Variants in TUNAR observed in about 807,000 individuals in gnomAD.
TUNAR encodes transmembrane neural differentiation associated intracellular calcium regulator.
chr14:95,883,401 C>A (rs74085731), intron 2 of TUNAR, among the ~76,000 whole-genome samples: 12 of 152,158 alleles, frequency 7.9e-5, no homozygotes, highest in Admixed American at 5.2e-4. Context: ...ATCCACCCCC[C>A]CAACACACAC....
intron 2 of TUNAR, among the ~76,000 whole-genome samples, chr14:95,889,672 T>C (rs907301858): frequency 6.6e-6 from 1 of 152,148 alleles, no homozygotes; most frequent in Non-Finnish European, 1.5e-5. Context: ...AGGAGGAACT[T>C]AAGCAGAGAC....
chr14:95,913,521 G>T (rs981121701), intron 2 of TUNAR, among the ~76,000 whole-genome samples: 1 of 152,250 alleles, frequency 6.6e-6, no homozygotes, highest in African/African-American at 2.4e-5. Flanking sequence ...TTTTCATTCC[G>T]CAATTTACTA....
At chr14:95,918,404 A>G (rs1003492889) in intron 2 of TUNAR, among the ~76,000 whole-genome samples, 1 of 152,158 alleles carries the variant, frequency 6.6e-6, no homozygotes, top group Non-Finnish European at 1.5e-5. Flanking sequence ...CTCCTCCATC[A>G]CTGTTCATCC....
intron 2 of TUNAR, among the ~76,000 whole-genome samples, chr14:95,882,081 GCTTGA>G (rs1888989598): frequency 6.6e-6 from 1 of 152,202 alleles, no homozygotes; most frequent in Non-Finnish European, 1.5e-5. Flanking sequence ...GAGTTAGAAA[GCTTGA>G]CTATGCTTCA....
intron 2 of TUNAR, among the ~76,000 whole-genome samples, chr14:95,899,454 C>A (rs1435968755): frequency 6.6e-6 from 1 of 152,258 alleles, no homozygotes; most frequent in Non-Finnish European, 1.5e-5. Flanking sequence ...AGAAGTAAAT[C>A]TTCACCTGCA....
At chr14:95,906,044 C>G (rs931162715) in intron 2 of TUNAR, among the ~76,000 whole-genome samples, 6 of 152,188 alleles carry the variant, frequency 3.9e-5, no homozygotes, top group Admixed American at 3.9e-4. Flanking sequence ...CCTCCACCCC[C>G]ACCTGTTTTT....
At chr14:95,920,823 C>T (rs1021477259) in intron 2 of TUNAR, among the ~76,000 whole-genome samples, 3 of 151,982 alleles carry the variant, frequency 2.0e-5, no homozygotes, top group African/African-American at 4.8e-5. Flanking sequence ...AGATAGCATT[C>T]GAATGAGAGA....
At chr14:95,877,837 G>T (rs1454613134) in intron 2 of TUNAR, among the ~76,000 whole-genome samples, 2 of 152,208 alleles carry the variant, frequency 1.3e-5, no homozygotes, top group Non-Finnish European at 2.9e-5. Context: ...CCATCACGCT[G>T]CTGCCAACCC....
At chr14:95,906,255 A>AT (rs1320372817) in intron 2 of TUNAR, among the ~76,000 whole-genome samples, 2 of 142,860 alleles carry the variant, frequency 1.4e-5, no homozygotes, top group Non-Finnish European at 2.9e-5. Flanking sequence ...TTTAGGGGAC[A>AT]TAGCTGGGAA....
intron 2 of TUNAR, among the ~76,000 whole-genome samples, chr14:95,897,758 G>A (rs960486161): frequency 6.6e-6 from 1 of 152,184 alleles, no homozygotes; most frequent in East Asian, 1.9e-4. Context: ...CCTACACAAT[G>A]TCATTTGCTT....
chr14:95,918,193 G>A (rs942225044), intron 2 of TUNAR, among the ~76,000 whole-genome samples: 2 of 152,184 alleles, frequency 1.3e-5, no homozygotes, highest in African/African-American at 2.4e-5. Context: ...CAGGCACACA[G>A]TGTGAAATAA....
At chr14:95,884,772 C>T (rs1392309235) in intron 2 of TUNAR, among the ~76,000 whole-genome samples, 1 of 152,224 alleles carries the variant, frequency 6.6e-6, no homozygotes, top group Non-Finnish European at 1.5e-5. Flanking sequence ...CCTGCTACGT[C>T]CAAACACTGC....
At chr14:95,884,375 G>A (rs115649731) in intron 2 of TUNAR, among the ~76,000 whole-genome samples, 3,086 of 152,218 alleles carry the variant, frequency 0.02, 57 homozygotes, top group Middle Eastern at 0.054. Flanking sequence ...TTCACTCCAA[G>A]GAGCCACAGG....
At chr14:95,884,894 A>G (rs1889050541) in intron 2 of TUNAR, among the ~76,000 whole-genome samples, 1 of 149,848 alleles carries the variant, frequency 6.7e-6, no homozygotes, top group Non-Finnish European at 1.5e-5. Flanking sequence ...TTTCCCTCCT[A>G]CTGAGAAATA....
chr14:95,879,656 A>C (rs1888946116), intron 2 of TUNAR, among the ~76,000 whole-genome samples: 1 of 151,618 alleles, frequency 6.6e-6, no homozygotes, highest in African/African-American at 2.4e-5. Context: ...TGTGAAAATA[A>C]GCCATCGAGA....
chr14:95,886,790 C>T (rs1889084869), intron 2 of TUNAR, among the ~76,000 whole-genome samples: 1 of 152,214 alleles, frequency 6.6e-6, no homozygotes, highest in Admixed American at 6.5e-5. Flanking sequence ...ATGCCCAGTG[C>T]CCATTGCTGG....
At chr14:95,913,132 A>G (rs897060155) in intron 2 of TUNAR, among the ~76,000 whole-genome samples, 4 of 127,310 alleles carry the variant, frequency 3.1e-5, no homozygotes, top group Non-Finnish European at 6.5e-5. Flanking sequence ...TGTCACCATC[A>G]TTTTCTTTCC....
chr14:95,918,584 C>T (rs922135183), intron 2 of TUNAR, among the ~76,000 whole-genome samples: 1 of 152,158 alleles, frequency 6.6e-6, no homozygotes. Context: ...AACAAACACC[C>T]GAGGTGCAAC....
chr14:95,909,278 A>G (rs1333574452), intron 2 of TUNAR, among the ~76,000 whole-genome samples: 1 of 138,698 alleles, frequency 7.2e-6, no homozygotes, highest in Non-Finnish European at 1.5e-5. Flanking sequence ...CCTTGCTGCC[A>G]TCTCTTTTTT....
Sources: allele counts gnomAD v4.1 joint callset (sites outside exome capture counted in the v4.1 genomes callset), GRCh38; gene constraint gnomAD v4.1.1; transcripts MANE v1.5; gene names NCBI Gene and HGNC (gene_info 2026-07-23, HGNC 2026-07-21).